Variants in ABHD12 observed in about 807,000 individuals in gnomAD.
The protein encoded by ABHD12 is abhydrolase domain containing 12, lysophospholipase.
ABHD12 carries 43 observed loss-of-function variants against 58.3 expected under a neutral mutation model. The observed-to-expected ratio is 0.74, with a 90% CI of 0.58 to 0.95. The LOEUF is 0.95. Among genes scored for constraint, ABHD12 ranks in the 40% least tolerant of loss-of-function variants. ABHD12 has a pLI of 0.00. For missense variants in ABHD12, 539 were observed against 537.2 expected (o/e 1.00, Z -0.03); for synonymous variants, 219 against 211.2 (o/e 1.04, Z -0.32).
chr20:25,307,726 T>G (rs1455660824), intron 9 of ABHD12, among the ~76,000 whole-genome samples: 4 of 152,238 alleles, frequency 2.6e-5, no homozygotes, highest in African/African-American at 9.6e-5. Context: ...GAGCCCGGCC[T>G]CCACTGTGTC....
chr20:25,389,408 C>T (rs899093482), intron 1 of ABHD12, among the ~76,000 whole-genome samples: 1 of 152,244 alleles, frequency 6.6e-6, no homozygotes, highest in Admixed American at 6.5e-5. Context: ...GAGCGATACG[C>T]ATATTTTACA....
intron 1 of ABHD12, among the ~76,000 whole-genome samples, chr20:25,347,234 G>A (rs1335771334): frequency 6.6e-6 from 1 of 152,106 alleles, no homozygotes; most frequent in African/African-American, 2.4e-5. Flanking sequence ...AAATAATTAA[G>A]TTTTGCAAGA....
rs199791788 is a variant in ABHD12 at position 25,366,243 on chromosome 20, A to G, written c.191+24270T>C. Among the ~76,000 whole-genome samples, 3 of 151,170 alleles carry G rather than the reference A, an allele frequency of 2.0e-5. No homozygotes were observed. The East Asian group carries it at 5.8e-4, about 29-fold the overall frequency. ...TATTTACATCATGCAAATTTTTTTCATATTACAAAGTCAAATTTATTCTAA... is the reference window on the plus strand; with the variant it reads ...TATTTACATCATGCAAATTTTTTTCGTATTACAAAGTCAAATTTATTCTAA... On this transcript the variant is annotated intron_variant, in intron 1 of 12. Coordinates refer to ENST00000339157, the MANE Select transcript of ABHD12 (RefSeq NM_001042472.3).
intron 7 of ABHD12, 121 bp downstream of exon 7, chr20:25,309,325 G>T: frequency 1.4e-6 from 2 of 1,449,924 alleles, no homozygotes; most frequent in Non-Finnish European, 1.9e-6. Context: ...TGGGAGCGAG[G>T]CTGGTCGGGA....
chr20:25,328,732 C>T (rs1378248143), intron 2 of ABHD12, among the ~76,000 whole-genome samples: 2 of 152,180 alleles, frequency 1.3e-5, no homozygotes, highest in Non-Finnish European at 2.9e-5. Flanking sequence ...GGAAGCCAGT[C>T]TTCCAGTTCA....
intron 1 of ABHD12, among the ~76,000 whole-genome samples, chr20:25,362,253 C>T (rs970437476): frequency 6.6e-6 from 1 of 151,728 alleles, no homozygotes; most frequent in Non-Finnish European, 1.5e-5. Context: ...GCACTCCAGC[C>T]TGGGCAACAG....
downstream of ABHD12, among the ~76,000 whole-genome samples, chr20:25,298,763 G>C (rs1320871094): frequency 3.3e-5 from 5 of 152,200 alleles, no homozygotes; most frequent in East Asian, 9.6e-4. Flanking sequence ...CAGGAGAAAT[G>C]AGCCTAGGGC....
intron 6 of ABHD12, among the ~76,000 whole-genome samples, chr20:25,314,679 A>T (rs920649576): frequency 6.1e-5 from 8 of 130,318 alleles, no homozygotes; most frequent in African/African-American, 1.3e-4. Context: ...ATCCTATCTT[A>T]AAAAAAAAAA....
intron 1 of ABHD12, among the ~76,000 whole-genome samples, chr20:25,351,258 T>C (rs1282665896): frequency 6.6e-6 from 1 of 152,202 alleles, no homozygotes; most frequent in Non-Finnish European, 1.5e-5. Flanking sequence ...GACTTTGTCT[T>C]TCACCTTTGT....
Position 25,390,476 on chromosome 20 carries a change from G to GCC in ABHD12, c.191+36_191+37insGG, listed in dbSNP as rs773039836. ...ACGCACCTGCGCAAAGTGAGGGACC[G>GCC]GCCCCCCCCCCCCCCCCGCTCCGCG... On this transcript the variant is annotated intron_variant, in intron 1 of 12. Coordinates refer to ENST00000339157, the MANE Select transcript of ABHD12 (RefSeq NM_001042472.3). The GCC allele has an allele frequency of 1.9e-3, 1,967 of 1,032,648 alleles. No individual in the cohort carries two copies. The highest frequency in any genetic ancestry group is 6.0e-3 in the South Asian group (317 of 52,638). The allele number at this position is 1,032,648 out of a possible 1,614,324, so 64.0% of individuals were successfully genotyped here.
intron 1 of ABHD12, among the ~76,000 whole-genome samples, chr20:25,347,969 T>C (rs1600834572): frequency 6.6e-6 from 1 of 150,628 alleles, no homozygotes; most frequent in South Asian, 2.1e-4. Flanking sequence ...CCCAGCACTT[T>C]GGGAGGCCTA....
downstream of ABHD12, chr20:25,295,610 G>A (rs781576927): frequency 3.1e-6 from 5 of 1,613,932 alleles, no homozygotes; most frequent in South Asian, 2.2e-5. Context: ...CCAGGTTCAA[G>A]GTGTTTGCAG....
chr20:25,309,046 G>A lies in ABHD12; in HGVS notation c.749+400C>T, dbSNP rs76014349. Among the ~76,000 whole-genome samples, 440 of 152,298 alleles carry A rather than the reference G, an allele frequency of 2.9e-3. 1 individual carries two copies. The highest frequency in any genetic ancestry group is 9.8e-3 in the African/African-American group (409 of 41,556). ...TGGGGCCCTGAGAGCAGAGGTTCCC[G>A]CAGAGACGTGGACCTCGCATCAGCA... On this transcript the variant is annotated intron_variant, in intron 7 of 12. Coordinates refer to ENST00000339157, the MANE Select transcript of ABHD12 (RefSeq NM_001042472.3).
chr20:25,345,162 T>C (rs137881548), intron 1 of ABHD12, among the ~76,000 whole-genome samples: 3,298 of 152,084 alleles, frequency 0.022, 43 homozygotes, highest in Middle Eastern at 0.082. Context: ...CTCAGCTCAC[T>C]GCAACCTTTG....
In ABHD12 at chr20:25,303,898, T is replaced by C. The variant is rs565398470; in HGVS notation, c.951-270A>G. On this transcript the variant is annotated intron_variant, in intron 10 of 12. Transcript: ENST00000339157. ...AAAATGATTATTTTTCCACCAGATA[T>C]ATATATTTTTAAGCGGAATAATTCA... Among the ~76,000 whole-genome samples the C allele has an allele frequency of 4.6e-5, 7 of 152,352 alleles. No individual in the cohort carries two copies. In the East Asian group the frequency reaches 1.2e-3, roughly 25 times the overall value.
At chr20:25,337,220 C>A (rs2089386682) in intron 2 of ABHD12, among the ~76,000 whole-genome samples, 2 of 152,236 alleles carry the variant, frequency 1.3e-5, no homozygotes, top group African/African-American at 4.8e-5. Context: ...GAGCCGTGAT[C>A]ATACCCCTGC....
intron 1 of ABHD12, among the ~76,000 whole-genome samples, chr20:25,383,967 A>AG (rs1183266905): frequency 2.3e-5 from 3 of 132,112 alleles, no homozygotes; most frequent in African/African-American, 9.0e-5. Context: ...AAAAAAAAAA[A>AG]AAAAAAAGAA....
At chr20:25,329,378 A>C (rs1457412657) in intron 2 of ABHD12, among the ~76,000 whole-genome samples, 1 of 152,210 alleles carries the variant, frequency 6.6e-6, no homozygotes, top group African/African-American at 2.4e-5. Context: ...CAAGGCCCAC[A>C]GGGCTGCTGG....
At chr20:25,307,852 T>C (rs1436105266) in intron 9 of ABHD12, 114 bp downstream of exon 9, 39 of 454,110 alleles carry the variant, frequency 8.6e-5, no homozygotes, top group Non-Finnish European at 3.7e-5. Context: ...TCTGTATTCA[T>C]TAGAATATTT....
Sources: gnomAD v4.1 joint callset for allele counts (sites outside exome capture counted in the v4.1 genomes callset) on GRCh38, gnomAD v4.1.1 for gene constraint, MANE v1.5 for transcripts, NCBI Gene and HGNC (gene_info 2026-07-23, HGNC 2026-07-21) for gene names.